ADGRV1: variants seen among roughly 807,000 people sequenced by gnomAD.
ADGRV1 encodes G-protein coupled receptor 98.
A neutral mutation model predicts 596.2 loss-of-function variants in ADGRV1; 359 were observed. The observed-to-expected ratio is 0.60, with a 90% CI of 0.55 to 0.66. ADGRV1 has a LOEUF of 0.66. Ranked by LOEUF, ADGRV1 falls within the 30% of genes least tolerant of loss-of-function variation. ADGRV1 has a pLI of 0.00. For synonymous variants in ADGRV1, 2,681 were observed against 2,679.2 expected (o/e 1.00, Z -0.02); for missense variants, 7,274 against 7,575.6 (o/e 0.96, Z 1.48).
intron 85 of ADGRV1, among the ~76,000 whole-genome samples, chr5:91,000,448 A>T (rs1781759710): frequency 6.6e-6 from 1 of 152,202 alleles, no homozygotes; most frequent in Non-Finnish European, 1.5e-5. Flanking sequence ...ATTTTTAGAA[A>T]TATTGGAATT....
chr5:90,991,066 A>G (rs900562119), intron 85 of ADGRV1, among the ~76,000 whole-genome samples: 1 of 152,250 alleles, frequency 6.6e-6, no homozygotes, highest in Non-Finnish European at 1.5e-5. Context: ...AACCCCAGTT[A>G]TGTGAATATT....
At chr5:90,787,186 T>G (rs1251508951) in intron 67 of ADGRV1, among the ~76,000 whole-genome samples, 1 of 152,186 alleles carries the variant, frequency 6.6e-6, no homozygotes, top group Non-Finnish European at 1.5e-5. Flanking sequence ...TGATGAAAGA[T>G]TAAGAAGCAA....
chr5:90,600,725 G>A (rs1761293173), intron 1 of ADGRV1, among the ~76,000 whole-genome samples: 1 of 152,108 alleles, frequency 6.6e-6, no homozygotes. Context: ...TTGAGGAATT[G>A]CCACATATTT....
At chr5:90,957,038 G>A (rs1350051238) in intron 83 of ADGRV1, among the ~76,000 whole-genome samples, 1 of 152,020 alleles carries the variant, frequency 6.6e-6, no homozygotes, top group Non-Finnish European at 1.5e-5. Context: ...CATGCTATGT[G>A]GGCACAAGGT....
intron 87 of ADGRV1, among the ~76,000 whole-genome samples, chr5:91,105,886 TA>T (rs1394248600): frequency 6.6e-6 from 1 of 151,466 alleles, no homozygotes; most frequent in African/African-American, 2.4e-5. Flanking sequence ...AAAGATTTTA[TA>T]AATAAGAATC....
chr5:90,662,070 T>C (rs192553705), intron 21 of ADGRV1, among the ~76,000 whole-genome samples: 46 of 152,120 alleles, frequency 3.0e-4, no homozygotes, highest in African/African-American at 1.0e-3. Context: ...TAAATGAAAG[T>C]TTTCATATAT....
At chr5:90,753,890 T>A in intron 54 of ADGRV1, 61 bp downstream of exon 54, 27 of 1,418,618 alleles carry the variant, frequency 1.9e-5, no homozygotes, top group Non-Finnish European at 2.6e-5. Flanking sequence ...AATTTAATTC[T>A]AATATTTATA....
intron 84 of ADGRV1, among the ~76,000 whole-genome samples, chr5:90,984,859 A>G (rs1235155008): frequency 1.3e-5 from 2 of 152,344 alleles, no homozygotes; most frequent in Admixed American, 6.5e-5. Flanking sequence ...ACTGAGATCA[A>G]GGTTGTCTTC....
intron 85 of ADGRV1, among the ~76,000 whole-genome samples, chr5:91,040,367 C>T (rs746100242): frequency 6.6e-6 from 1 of 152,086 alleles, no homozygotes; most frequent in Non-Finnish European, 1.5e-5. Flanking sequence ...CACTGTACTG[C>T]TCAAAGGTAA....
In ADGRV1 at chr5:90,800,582, C is replaced by T. The variant is rs150120539; in HGVS notation, c.14518-2157C>T. ...AGCAATCCCATTATTGGGCATATAC[C>T]GAAAGGATTATAAATCATTCTACTG... On this transcript the variant is annotated intron_variant, in intron 70 of 89. Coordinates refer to ENST00000405460, the MANE Select transcript of ADGRV1 (RefSeq NM_032119.4). Among the ~76,000 whole-genome samples the T allele has an allele frequency of 3.5e-3, 538 of 152,176 alleles. 5 individuals are homozygous for T. Among genetic ancestry groups the T allele is most frequent in the African/African-American group, 0.012 (516 of 41,498 alleles).
chr5:90,945,782 T>C (rs1776522331), intron 83 of ADGRV1, among the ~76,000 whole-genome samples: 1 of 151,868 alleles, frequency 6.6e-6, no homozygotes, highest in African/African-American at 2.4e-5. Flanking sequence ...GCCCAGGAGA[T>C]TGAGAAGAGC....
intron 85 of ADGRV1, among the ~76,000 whole-genome samples, chr5:91,012,053 C>T (rs1481909412): frequency 1.3e-5 from 2 of 151,906 alleles, no homozygotes; most frequent in Non-Finnish European, 2.9e-5. Context: ...ACTATTACTG[C>T]TTAAATCCAG....
chr5:90,691,140 A>G (rs777944602), intron 31 of ADGRV1, 99 bp downstream of exon 31: 5 of 1,421,598 alleles, frequency 3.5e-6, no homozygotes, highest in Non-Finnish European at 5.0e-6. Context: ...AGGATGTCAA[A>G]TAAATTATTC....
In ADGRV1 at chr5:90,968,352, C is replaced by CT. The variant is rs781323008; in HGVS notation, c.17973+2824dup. ...AAACATGTTTTAGATGGATTTTCTG[C>CT]TTTCAGGGGCATTAGACAAAATCAT... On this transcript the variant is annotated intron_variant, in intron 84 of 89. Transcript: ENST00000405460. Among the ~76,000 whole-genome samples, 106 of 152,290 alleles carry CT rather than the reference C, an allele frequency of 7.0e-4. 1 individual carries two copies. Among genetic ancestry groups the CT allele is most frequent in the Middle Eastern group, 3.4e-3 (1 of 292 alleles).
Position 90,788,309 on chromosome 5 carries a change from C to A in ADGRV1, c.13892C>A (p.Thr4631Asn). ...LDSRAKDVTL[T>N]IQEFGDPNGV... ...TCCAGAGCTAAAGATGTTACATTAACCGTATGTATGGCTTTATTTTTCTCA... is the reference window on the plus strand; with the variant it reads ...TCCAGAGCTAAAGATGTTACATTAAACGTATGTATGGCTTTATTTTTCTCA... The change falls in exon 68 of 90, where the codon ACC (threonine) becomes AAC (asparagine). Residue 4631 changes from threonine (T) to asparagine (N), a missense_variant and splice_region_variant. Physicochemically the swap from Thr to Asn is moderately conservative, Grantham distance 65 (BLOSUM62 0). This residue lies in a region of ADGRV1 where 3,643 missense variants were observed against 3,809.2 expected (regional missense o/e 0.96). Coordinates refer to ENST00000405460, the MANE Select transcript of ADGRV1 (RefSeq NM_032119.4). 1 of 1,606,912 alleles carries A rather than the reference C, an allele frequency of 6.2e-7. No individual in the cohort carries two copies. Among genetic ancestry groups the A allele is most frequent in the Non-Finnish European group, 8.5e-7 (1 of 1,175,598 alleles).
intron 86 of ADGRV1, among the ~76,000 whole-genome samples, chr5:91,082,018 A>C (rs1789429912): frequency 6.6e-6 from 1 of 152,180 alleles, no homozygotes; most frequent in African/African-American, 2.4e-5. Flanking sequence ...TTCCATCTTG[A>C]TACCCATGAT....
intron 73 of ADGRV1, among the ~76,000 whole-genome samples, chr5:90,809,024 G>T (rs1427940246): frequency 6.7e-6 from 1 of 149,178 alleles, no homozygotes; most frequent in African/African-American, 2.5e-5. Context: ...TCGGCTCACT[G>T]CAAGCTCCGC....
chr5:90,756,950 T>C (rs746943169), intron 56 of ADGRV1, 29 bp from the exon 57 acceptor site: 36 of 1,499,886 alleles, frequency 2.4e-5, no homozygotes, highest in Non-Finnish European at 3.2e-5. Context: ...CATTTTATCT[T>C]GCCTTTCAAT....
intron 85 of ADGRV1, among the ~76,000 whole-genome samples, chr5:90,997,879 T>C (rs1781545798): frequency 6.6e-6 from 1 of 152,142 alleles, no homozygotes; most frequent in African/African-American, 2.4e-5. Flanking sequence ...ATGATGTGTC[T>C]AGGGAAAATG....
Sources: allele counts gnomAD v4.1 joint callset (sites outside exome capture counted in the v4.1 genomes callset), GRCh38; gene constraint gnomAD v4.1.1; regional missense constraint gnomAD v4.1.1; transcripts MANE v1.5; gene names NCBI Gene and HGNC (gene_info 2026-07-23, HGNC 2026-07-21).